SOX6: variants seen among roughly 807,000 people sequenced by gnomAD.
SOX6 encodes transcription factor SOX-6.
In SOX6, 11 loss-of-function variants were observed where a neutral mutation model predicts 97.8. The ratio of observed to expected loss-of-function variants is 0.11; its 90% confidence interval spans 0.07 to 0.19. The LOEUF (loss-of-function observed/expected upper bound fraction) is 0.19, where lower values mean the gene tolerates loss of function less well. SOX6 is among the 10% of genes least tolerant of loss of function. The probability of loss-of-function intolerance (pLI) is 1.00; values close to 1 mark genes in which losing one functional copy is unlikely to be tolerated. For missense variants in SOX6, 810 were observed against 1,039.5 expected, an observed-to-expected ratio of 0.78 and a Z score of 3.04; for synonymous variants, 360 against 371.4, an observed-to-expected ratio of 0.97 and a Z score of 0.35.
intron 1 of SOX6, among the ~76,000 whole-genome samples, chr11:16,393,406 C>A (rs959601997): frequency 4.4e-5 from 6 of 135,810 alleles, no homozygotes; most frequent in Non-Finnish European, 6.4e-5. Flanking sequence ...CATTTGTTTT[C>A]AAAAAAAATA....
chr11:16,227,198 A>ACTTAC (rs1852712753), intron 4 of SOX6, among the ~76,000 whole-genome samples: 8 of 152,228 alleles, frequency 5.3e-5, no homozygotes. Flanking sequence ...TTATTTATTG[A>ACTTAC]CAGGAAACAG....
chr11:16,550,124 T>A (rs1452155016), intron 4 of SOX6, among the ~76,000 whole-genome samples: 1 of 152,150 alleles, frequency 6.6e-6, no homozygotes, highest in Non-Finnish European at 1.5e-5. Context: ...CACCATGGAA[T>A]ACTAGGCAGC....
chr11:16,069,678 A>C (rs1848178567), intron 9 of SOX6, among the ~76,000 whole-genome samples: 1 of 152,206 alleles, frequency 6.6e-6, no homozygotes, highest in South Asian at 2.1e-4. Flanking sequence ...AATACACATA[A>C]AGGGCCAAAA....
rs538954774 is a variant in SOX6, at chr11:16,450,126, C to A, written c.-5+26189G>T. Among the ~76,000 whole-genome samples, 10 of 152,162 alleles carry A rather than the reference C, an allele frequency of 6.6e-5. No individual in the cohort carries two copies. The East Asian group carries it at 1.9e-3, about 29-fold the overall frequency. On this transcript the variant is annotated intron_variant, in intron 1 of 15. Coordinates refer to the SOX6 transcript ENST00000396356. ...GAAACTGCCTACAAATAGACCCCTG[C>A]GCAAACTTCAGAGAAATCTTTTTGT...
intron 6 of SOX6, among the ~76,000 whole-genome samples, chr11:16,129,873 G>C (rs1175881153): frequency 6.6e-6 from 1 of 152,026 alleles, no homozygotes; most frequent in Non-Finnish European, 1.5e-5. Flanking sequence ...AAGGATCCTT[G>C]CTTTCTACCT....
At chr11:16,254,896 T>C (rs942380237) in intron 3 of SOX6, among the ~76,000 whole-genome samples, 1 of 151,766 alleles carries the variant, frequency 6.6e-6, no homozygotes, top group African/African-American at 2.4e-5. Context: ...ACTTTACATA[T>C]AAAGATAAAT....
intron 1 of SOX6, among the ~76,000 whole-genome samples, chr11:16,459,080 C>T (rs1282498976): frequency 1.3e-5 from 2 of 152,050 alleles, no homozygotes; most frequent in African/African-American, 4.8e-5. Flanking sequence ...GAAAGATACA[C>T]TTAAAAGGAA....
chr11:16,569,557 C>T (rs963335728), intron 4 of SOX6, among the ~76,000 whole-genome samples: 1 of 151,956 alleles, frequency 6.6e-6, no homozygotes, highest in Admixed American at 6.5e-5. Flanking sequence ...AATAGTTTCA[C>T]CAAAAATCAG....
chr11:16,436,822 CT>C (rs1859384480), intron 1 of SOX6, among the ~76,000 whole-genome samples: 1 of 152,140 alleles, frequency 6.6e-6, no homozygotes, highest in Admixed American at 6.6e-5. Flanking sequence ...CCACATATTG[CT>C]ATATGTAGCC....
intron 4 of SOX6, among the ~76,000 whole-genome samples, chr11:16,199,852 A>G (rs1851885293): frequency 6.6e-6 from 1 of 152,192 alleles, no homozygotes; most frequent in Admixed American, 6.5e-5. Context: ...AACATAAACT[A>G]TAATTTAGAA....
chr11:16,189,404 CATGTGTGTGTGCATGT>C (rs1851571214), intron 4 of SOX6, among the ~76,000 whole-genome samples: 2 of 97,012 alleles, frequency 2.1e-5, no homozygotes, highest in African/African-American at 1.1e-4. Context: ...AGGCAAAGGT[CATGTGTGTGTGCATGT>C]GTGTGTGTGT....
intron 3 of SOX6, among the ~76,000 whole-genome samples, chr11:16,244,657 A>G (rs1270181858): frequency 1.3e-5 from 2 of 151,820 alleles, no homozygotes; most frequent in African/African-American, 4.8e-5. Context: ...ATAAATATCC[A>G]GTTGTTCCAG....
intron 3 of SOX6, 56 bp from the exon 4 acceptor site, chr11:16,234,727 G>T (rs1590051347): frequency 9.6e-7 from 1 of 1,044,858 alleles, no homozygotes; most frequent in Non-Finnish European, 1.4e-6. Context: ...AATTTAGAAA[G>T]TCAGTTTATG....
chr11:16,677,862 A>G (rs953616889), intron 3 of SOX6, among the ~76,000 whole-genome samples: 2 of 152,192 alleles, frequency 1.3e-5, no homozygotes, highest in Non-Finnish European at 2.9e-5. Flanking sequence ...TTGACTTACA[A>G]AACCAATTGC....
intron 4 of SOX6, among the ~76,000 whole-genome samples, chr11:16,589,174 T>A (rs1430888871): frequency 6.6e-6 from 1 of 152,222 alleles, no homozygotes; most frequent in Non-Finnish European, 1.5e-5. Context: ...CTGGAGACCA[T>A]GCATTTCCTC....
In SOX6 at chr11:16,055,781, T is replaced by C. The variant is rs760221774; in HGVS notation, c.1222A>G (p.Arg408Gly). ...ACTTGAGTTACAGGGCTGGTCCCTC[T>C]CTTTTCATTTTTTATCCCAGTAGGT... Reference protein sequence around the residue: ...VSPTGIKNEKRGTSPVTQVKD... With the variant: ...VSPTGIKNEKGGTSPVTQVKD... The change falls in exon 10 of 16, where the codon AGA becomes GGA. Residue 408 changes from arginine (R) to glycine (G), a missense_variant. Physicochemically the swap from Arg to Gly is moderately radical, Grantham distance 125. This residue lies in a region of SOX6 where 244 missense variants were observed against 261.0 expected (regional missense o/e 0.93). Coordinates refer to ENST00000683767, the MANE Select transcript of SOX6 (RefSeq NM_001367873.1). 5.0e-5 allele frequency: 81 copies of C among 1,613,766 alleles called. No homozygotes were observed. The Admixed American group carries it at 1.3e-3, about 26-fold the overall frequency.
intron 4 of SOX6, among the ~76,000 whole-genome samples, chr11:16,536,714 G>A (rs541638768): frequency 7.2e-5 from 11 of 152,216 alleles, no homozygotes; most frequent in Non-Finnish European, 1.6e-4. Flanking sequence ...ACAGCAGTCT[G>A]AGATCAACCT....
intron 6 of SOX6, among the ~76,000 whole-genome samples, chr11:16,132,321 AGGAAGGAAG>A (rs1849776752): frequency 1.0e-4 from 12 of 119,032 alleles, no homozygotes; most frequent in African/African-American, 3.2e-4. Context: ...GAAGGAAGGA[AGGAAGGAAG>A]GAAAGAAAAA....
intron 4 of SOX6, among the ~76,000 whole-genome samples, chr11:16,525,754 A>G (rs1256298825): frequency 1.3e-5 from 2 of 152,248 alleles, no homozygotes; most frequent in African/African-American, 2.4e-5. Flanking sequence ...GCTAATATCC[A>G]GAATCTACAA....
Sources: gnomAD v4.1 joint callset for allele counts (sites outside exome capture counted in the v4.1 genomes callset) on GRCh38, gnomAD v4.1.1 for gene constraint, gnomAD v4.1.1 regional missense constraint, MANE v1.5 for transcripts, NCBI Gene and HGNC (gene_info 2026-07-23, HGNC 2026-07-21) for gene names.